Variants in MARS1 observed in about 807,000 individuals in gnomAD.
MARS1 encodes the protein methionyl-tRNA synthetase 1.
A neutral mutation model predicts 119.5 loss-of-function variants in MARS1; 80 were observed. That is an observed-to-expected ratio of 0.67 (90% CI 0.56 to 0.81). MARS1 has a LOEUF of 0.81. MARS1 is among the 30% of genes least tolerant of loss of function. MARS1 has a pLI of 0.00. For missense variants in MARS1, 945 were observed against 1,116.5 expected, an observed-to-expected ratio of 0.85 and a Z score of 2.19; for synonymous variants, 418 against 433.4, an observed-to-expected ratio of 0.96 and a Z score of 0.44.
Position 57,489,925 on chromosome 12 carries a change from G to T in MARS1, c.444G>T (p.Leu148Phe). The change falls in exon 5 of 21, where the codon TTG (leucine) becomes TTT (phenylalanine). Residue 148 changes from leucine (L) to phenylalanine (F), a missense_variant. Leu to Phe is a conservative substitution (Grantham distance 22). Coordinates refer to ENST00000262027, the MANE Select transcript of MARS1 (RefSeq NM_004990.4). ...CAGAATCTCTAGCCGACATTGTTTT[G>T]TGGGGAGCCCTATACCCATTACTGC... ...GETESLADIV[L>F]WGALYPLLQD... is the part of the protein sequence containing the mutation. 6.2e-7 allele frequency: 1 copy of T among 1,614,052 alleles called. No homozygotes were observed. The highest frequency in any genetic ancestry group is 1.7e-5 in the Admixed American group (1 of 60,004).
chr12:57,491,909 C>T (rs1006146200), intron 7 of MARS1, among the ~76,000 whole-genome samples: 6 of 152,180 alleles, frequency 3.9e-5, no homozygotes, highest in Non-Finnish European at 8.8e-5. Context: ...ACAGGATCTC[C>T]GCTGTCATGG....
intron 18 of MARS1, 56 bp downstream of exon 18, chr12:57,515,392 G>C: frequency 6.5e-7 from 1 of 1,539,134 alleles, no homozygotes; most frequent in Non-Finnish European, 8.8e-7. Context: ...GCAGCTTTTG[G>C]AGTGGGTGAG....
chr12:57,512,506 AC>A (rs1877570152), intron 14 of MARS1, 153 bp downstream of exon 14: 2 of 683,312 alleles, frequency 2.9e-6, no homozygotes. Context: ...AGAGAAACGA[AC>A]AAGAACCTGA....
At chr12:57,495,210 C>T (rs1477130603) in intron 7 of MARS1, among the ~76,000 whole-genome samples, 5 of 148,458 alleles carry the variant, frequency 3.4e-5, no homozygotes, top group Admixed American at 6.7e-5. Flanking sequence ...GCTGGCCAGG[C>T]GGGCGCTGCC....
chr12:57,499,378 G>A (rs542571856), intron 9 of MARS1, among the ~76,000 whole-genome samples: 27 of 146,962 alleles, frequency 1.8e-4, no homozygotes, highest in Admixed American at 5.4e-4. Flanking sequence ...GGCGGATCAC[G>A]AGGTCAGGAG....
In MARS1 at chr12:57,500,480, G is replaced by A; in HGVS notation, c.1251G>A (p.Gln417=). The A allele has an allele frequency of 6.2e-7, 1 of 1,614,198 alleles. No individual in the cohort carries two copies. The highest frequency in any genetic ancestry group is 8.5e-7 in the Non-Finnish European group (1 of 1,180,044). The stretch of plus-strand genomic sequence containing the variant: ...GCTATGAGGAGGCTCGGGGTGACCA[G>A]TGTGACAAGTGTGGCAAGCTCATCA... The part of the protein sequence containing the change: ...FCGYEEARGD[Q]CDKCGKLINA... The change falls in exon 10 of 21, where the codon CAG becomes CAA. Residue 417 remains glutamine (Q), a synonymous_variant. Transcript: ENST00000262027.
In MARS1 at chr12:57,514,590, G is replaced by C. The variant is rs1206194715; in HGVS notation, c.1968-130G>C. On this transcript the variant is annotated intron_variant, in intron 15 of 20. Coordinates refer to ENST00000262027, the MANE Select transcript of MARS1 (RefSeq NM_004990.4). ...CTTGTCTACTAGCTTGAGGGAGCCA[G>C]GAGTTACCTGTTCCAGGCAGGAATC... 4 of 1,107,240 alleles carry C rather than the reference G, an allele frequency of 3.6e-6. No homozygotes were observed. The African/African-American group carries it at 6.1e-5, about 17-fold the overall frequency. 68.6% of individuals were successfully genotyped at this position (1,107,240 alleles called of 1,614,324 possible). A position where few individuals can be genotyped will look rare whatever the true frequency, so the allele number is the denominator to read the frequency against.
intron 10 of MARS1, among the ~76,000 whole-genome samples, chr12:57,502,026 G>A (rs150101562): frequency 1.1e-4 from 17 of 152,162 alleles, no homozygotes; most frequent in African/African-American, 3.9e-4. Context: ...AGAAGGATTT[G>A]GAGGCAACAA....
intron 11 of MARS1, among the ~76,000 whole-genome samples, chr12:57,508,904 C>T (rs1039493866): frequency 1.2e-4 from 19 of 152,228 alleles, no homozygotes; most frequent in African/African-American, 3.6e-4. Context: ...CTTTGCTCTT[C>T]GTGAACAAAA....
chr12:57,510,502 G>A (rs990060248), intron 11 of MARS1, among the ~76,000 whole-genome samples: 2 of 151,836 alleles, frequency 1.3e-5, no homozygotes, highest in Admixed American at 6.6e-5. Flanking sequence ...TGGGCATGCT[G>A]GTTTACACCT....
chr12:57,516,022 C>A, intron 19 of MARS1, 31 bp downstream of exon 19: 2 of 1,597,684 alleles, frequency 1.3e-6, no homozygotes, highest in African/African-American at 1.3e-5. Context: ...GCCCTCGCTC[C>A]ACAACAGCCA....
chr12:57,501,349 C>T (rs142613679), intron 10 of MARS1, among the ~76,000 whole-genome samples: 1 of 152,316 alleles, frequency 6.6e-6, no homozygotes, highest in African/African-American at 2.4e-5. Flanking sequence ...GAATGACAAG[C>T]TGCTCTGTGG....
intron 1 of MARS1, 38 bp downstream of exon 1, chr12:57,488,237 G>A (rs36085497): frequency 6.3e-7 from 1 of 1,577,804 alleles, no homozygotes; most frequent in Non-Finnish European, 8.7e-7. Context: ...GGATGGGGGG[G>A]CGGGACCGAA....
At position 57,498,142 on chromosome 12, in the gene MARS1, C is replaced by G. The variant is rs201328384; in HGVS notation, c.771-15C>G. On this transcript the variant is annotated splice_polypyrimidine_tract_variant and intron_variant, in intron 7 of 20. Coordinates refer to ENST00000262027, the MANE Select transcript of MARS1 (RefSeq NM_004990.4). ...CATCCCCCCATGCACTGTTCTCTTC[C>G]TCTTTCCTTACTAGGTTGCCTGTGG... 8.4e-5 allele frequency: 133 copies of G among 1,579,886 alleles called. No homozygotes were observed. The Middle Eastern group carries it at 1.8e-3, about 22-fold the overall frequency.
chr12:57,497,581 T>C (rs185915122), intron 7 of MARS1, among the ~76,000 whole-genome samples: 31 of 151,910 alleles, frequency 2.0e-4, no homozygotes, highest in African/African-American at 7.5e-4. Flanking sequence ...TCTAGAAAAG[T>C]GGGAAGGAGA....
At chr12:57,494,235 C>T (rs899150901) in intron 7 of MARS1, among the ~76,000 whole-genome samples, 13 of 151,206 alleles carry the variant, frequency 8.6e-5, no homozygotes, top group African/African-American at 2.7e-4. Flanking sequence ...GGATTACAGG[C>T]GTAAGCCACT....
intron 7 of MARS1, among the ~76,000 whole-genome samples, chr12:57,497,782 C>T (rs1319498615): frequency 6.6e-6 from 1 of 151,956 alleles, no homozygotes; most frequent in Non-Finnish European, 1.5e-5. Context: ...GAGAAGCCAG[C>T]GCTGGGAAAG....
Position 57,512,977 on chromosome 12 carries a change from A to G in MARS1, c.1967+13A>G, listed in dbSNP as rs1877598266. The G allele has an allele frequency of 6.2e-7, 1 of 1,612,244 alleles. No individual in the cohort carries two copies. The highest frequency in any genetic ancestry group is 8.5e-7 in the Non-Finnish European group (1 of 1,178,410). On this transcript the variant is annotated intron_variant, in intron 15 of 20. Transcript: ENST00000262027. The stretch of plus-strand genomic sequence containing the variant: ...ACTTCATCAACAGGTAGGACTTGGT[A>G]AGGGGTCAGAGTTAGCAGTGAGCTG...
Position 57,512,305 on chromosome 12 carries a change from C to G in MARS1, c.1705C>G (p.Leu569Val), listed in dbSNP as rs1877561893. 6.2e-7 allele frequency: 1 copy of G among 1,614,136 alleles called. No homozygotes were observed. The highest frequency in any genetic ancestry group is 2.2e-5 in the East Asian group (1 of 44,878). Residue 569 changes from leucine (L) to valine (V), a missense_variant, in exon 14 of 21, where the codon CTA becomes GTA. Physicochemically the swap from Leu to Val is conservative, Grantham distance 32 (BLOSUM62 1). Transcript: ENST00000262027. ...TAGCTTAGTCTTTCCTTGCTCAGCC[C>G]TAGGAGCTGAGGATAACTATACCTT... ...FHSLVFPCSALGAEDNYTLVS... is the reference protein window; with the variant it reads ...FHSLVFPCSAVGAEDNYTLVS...
Sources: allele counts gnomAD v4.1 joint callset (sites outside exome capture counted in the v4.1 genomes callset), GRCh38; gene constraint gnomAD v4.1.1; transcripts MANE v1.5; gene names NCBI Gene and HGNC (gene_info 2026-07-23, HGNC 2026-07-21).